The following ATP8B1 variants were observed in gnomAD, a reference collection of about 807,000 sequenced individuals.
ATP8B1 encodes phospholipid-transporting ATPase IC.
ATP8B1 carries 80 observed loss-of-function variants against 149.9 expected under a neutral mutation model. The observed-to-expected ratio is 0.53, with a 90% confidence interval of 0.45 to 0.64. The LOEUF is 0.64. Ranked by LOEUF, ATP8B1 falls within the 30% of genes least tolerant of loss-of-function variation. ATP8B1 has a pLI of 0.00. For synonymous variants in ATP8B1, 536 were observed against 562.8 expected, an observed-to-expected ratio of 0.95 and a Z score of 0.67; for missense variants, 1,247 against 1,552.6, an observed-to-expected ratio of 0.80 and a Z score of 3.31.
intron 1 of ATP8B1, among the ~76,000 whole-genome samples, chr18:57,794,463 TAAAAAAAAAA>T (rs58976028): frequency 2.7e-5 from 3 of 110,464 alleles, no homozygotes; most frequent in East Asian, 2.7e-4. Context: ...AACCTGACAT[TAAAAAAAAAA>T]AAAAAAAAAA....
rs1231339266 is a variant in ATP8B1 at position 57,691,995 on chromosome 18, G to A, written c.1032C>T (p.Ile344=). 1.9e-6 allele frequency: 3 copies of A among 1,611,616 alleles called. No homozygotes were observed. The highest frequency in any genetic ancestry group is 2.5e-6 in the Non-Finnish European group (3 of 1,178,954). ...CAGAAAGCAGAATAAGAACAACAAAGATCTAGAAGACAGAAAACATTTAAA... is the reference window on the plus strand; with the variant it reads ...CAGAAAGCAGAATAAGAACAACAAAAATCTAGAAGACAGAAAACATTTAAA... ...DYLMNYMVYT[I]FVVLILLSAG... The change falls in exon 12 of 28, where the codon ATC becomes ATT. Residue 344 remains isoleucine (I), a splice_region_variant and synonymous_variant. Transcript: ENST00000648908.
At chr18:57,734,281 C>T (rs1421896174) in intron 1 of ATP8B1, among the ~76,000 whole-genome samples, 3 of 152,082 alleles carry the variant, frequency 2.0e-5, no homozygotes, top group African/African-American at 7.2e-5. Flanking sequence ...CCTCTGCCTC[C>T]CAGATTCAAG....
At chr18:57,725,682 C>T (rs2079699373) in intron 2 of ATP8B1, among the ~76,000 whole-genome samples, 1 of 152,158 alleles carries the variant, frequency 6.6e-6, no homozygotes, top group African/African-American at 2.4e-5. Context: ...TAAAAACAGA[C>T]ACACAGATCA....
At chr18:57,711,525 T>C (rs181137722) in intron 2 of ATP8B1, among the ~76,000 whole-genome samples, 3 of 152,338 alleles carry the variant, frequency 2.0e-5, no homozygotes, top group Middle Eastern at 3.4e-3. Flanking sequence ...TTTGCAAGCA[T>C]TCTTTGCGCA....
chr18:57,746,885 G>A (rs2079969301), intron 1 of ATP8B1, among the ~76,000 whole-genome samples: 1 of 152,212 alleles, frequency 6.6e-6, no homozygotes, highest in Non-Finnish European at 1.5e-5. Flanking sequence ...GTGCATGGAA[G>A]TGAGCTCAGA....
intron 2 of ATP8B1, among the ~76,000 whole-genome samples, chr18:57,710,401 T>C (rs924088566): frequency 1.1e-4 from 16 of 152,096 alleles, no homozygotes; most frequent in African/African-American, 3.6e-4. Context: ...AGTGTTCCCA[T>C]GATCACCACG....
chr18:57,674,872 A>T lies in ATP8B1; in HGVS notation c.1781T>A (p.Leu594Ter). ...TCGCTTCCGGTCACTGTTGAAGTCC[A>T]AAATGGCAAGAACATTGTAAGTCCT... The part of the protein sequence containing the change: ...TERTYNVLAI[L>*]DFNSDRKRMS... Residue 594 changes from leucine to a stop codon, truncating the protein, a stop_gained, in exon 16 of 28, where the codon TTG becomes TAG. Coordinates refer to ENST00000648908, the MANE Select transcript of ATP8B1 (RefSeq NM_001374385.1). LOFTEE classifies it high-confidence loss of function. 1 of 1,614,230 alleles carries T rather than the reference A, an allele frequency of 6.2e-7. No homozygotes were observed. Among genetic ancestry groups the T allele is most frequent in the Non-Finnish European group, 8.5e-7 (1 of 1,180,028 alleles).
chr18:57,664,505 A>G (rs1169428221), intron 20 of ATP8B1, among the ~76,000 whole-genome samples: 1 of 150,374 alleles, frequency 6.7e-6, no homozygotes, highest in Non-Finnish European at 1.5e-5. Flanking sequence ...TTCTAAGAAA[A>G]AAAAAAAAAA....
intron 1 of ATP8B1, among the ~76,000 whole-genome samples, chr18:57,740,138 T>C (rs1178226435): frequency 1.3e-5 from 2 of 152,094 alleles, no homozygotes; most frequent in Non-Finnish European, 2.9e-5. Flanking sequence ...TTGCCCAGAC[T>C]GGAGTTCAAT....
intron 1 of ATP8B1, among the ~76,000 whole-genome samples, chr18:57,793,811 C>T (rs1477605409): frequency 6.6e-6 from 1 of 152,148 alleles, no homozygotes; most frequent in African/African-American, 2.4e-5. Flanking sequence ...ACAATGGCAG[C>T]TTGCACCCTT....
chr18:57,741,993 T>G (rs1429913568), intron 1 of ATP8B1, among the ~76,000 whole-genome samples: 1 of 152,058 alleles, frequency 6.6e-6, no homozygotes. Flanking sequence ...CCTCAGCCTT[T>G]CCAGTAGCTG....
At chr18:57,672,955 ATACAT>A (rs1911345915) in intron 16 of ATP8B1, among the ~76,000 whole-genome samples, 1 of 48,770 alleles carries the variant, frequency 2.1e-5, no homozygotes, top group Non-Finnish European at 3.9e-5. Context: ...ACATATATAC[ATACAT>A]ATATCTACAT....
At chr18:57,722,990 A>G (rs1355308777) in intron 2 of ATP8B1, among the ~76,000 whole-genome samples, 3 of 150,506 alleles carry the variant, frequency 2.0e-5, no homozygotes, top group South Asian at 2.1e-4. Context: ...AGAGCCAAAG[A>G]CAAAAACCAC....
chr18:57,791,162 GC>G (rs1347623496), intron 1 of ATP8B1, among the ~76,000 whole-genome samples: 2 of 152,118 alleles, frequency 1.3e-5, no homozygotes, highest in Non-Finnish European at 2.9e-5. Flanking sequence ...ACTGGCTCCA[GC>G]CCCTGGCAAC....
chr18:57,669,420 T>C lies in ATP8B1; in HGVS notation c.1995A>G (p.Glu665=), dbSNP rs1318229076. 6.2e-7 allele frequency: 1 copy of C among 1,613,732 alleles called. No homozygotes were observed. Among genetic ancestry groups the C allele is most frequent in the Non-Finnish European group, 8.5e-7 (1 of 1,179,682 alleles). ...CLCYKEIEEK[E]FTEWNKKFMA... Reference sequence around the variant, plus strand: ...TAAACTTTTTATTCCATTCTGTAAATTCTTTTTCTTCAATTTCCTTGTAGC... The same window carrying C: ...TAAACTTTTTATTCCATTCTGTAAACTCTTTTTCTTCAATTTCCTTGTAGC... The change falls in exon 18 of 28, where the codon GAA becomes GAG. Residue 665 remains glutamate (E), a synonymous_variant. Coordinates refer to ENST00000648908, the MANE Select transcript of ATP8B1 (RefSeq NM_001374385.1).
At position 57,664,501 on chromosome 18, in the gene ATP8B1, GA is replaced by G. The variant is rs532262308; in HGVS notation, c.2286-1887del. ...AGCCTGGGTGACAGAGTCTTTCTAA[GA>G]AAAAAAAAAAAAAAAAAAAGGAAAG... is the stretch of plus-strand genomic sequence containing the variant. On this transcript the variant is annotated intron_variant, in intron 20 of 27. Transcript: ENST00000648908. Among the ~76,000 whole-genome samples the G allele has an allele frequency of 3.8e-3, 374 of 99,476 alleles. 1 individual carries two copies. The highest frequency in any genetic ancestry group is 0.012 in the African/African-American group (288 of 23,438). The allele number at this position is 99,476 out of a possible 152,430, so 65.3% of individuals were successfully genotyped here.
chr18:57,783,289 A>G (rs1206949708), intron 1 of ATP8B1, among the ~76,000 whole-genome samples: 1 of 152,180 alleles, frequency 6.6e-6, no homozygotes, highest in Non-Finnish European at 1.5e-5. Context: ...AGGCATGGAT[A>G]AGATAATATT....
intron 15 of ATP8B1, 116 bp downstream of exon 15, chr18:57,683,920 A>G (rs1242873042): frequency 9.1e-6 from 12 of 1,324,338 alleles, no homozygotes; most frequent in African/African-American, 1.5e-5. Flanking sequence ...TATTCACTGC[A>G]TTCTAATATG....
intron 1 of ATP8B1, among the ~76,000 whole-genome samples, chr18:57,754,286 A>T (rs1296954911): frequency 6.6e-6 from 1 of 151,764 alleles, no homozygotes; most frequent in African/African-American, 2.4e-5. Context: ...AAAAATACAA[A>T]ACTTAGCCAG....
Sources: gnomAD v4.1 joint callset for allele counts (sites outside exome capture counted in the v4.1 genomes callset) on GRCh38, gnomAD v4.1.1 for gene constraint, MANE v1.5 for transcripts, NCBI Gene and HGNC (gene_info 2026-07-23, HGNC 2026-07-21) for gene names.